The following ANKRD27 variants were observed in gnomAD, a reference collection of about 807,000 sequenced individuals.
ANKRD27 encodes ankyrin repeat domain-containing protein 27.
ANKRD27 carries 112 observed loss-of-function variants against 129.7 expected under a neutral mutation model. The ratio of observed to expected loss-of-function variants is 0.86; its 90% CI spans 0.74 to 1.01. The LOEUF is 1.01. Among genes scored for constraint, ANKRD27 ranks in the 50% least tolerant of loss-of-function variants. The probability of loss-of-function intolerance (pLI) is 0.00; values close to 1 mark genes in which losing one functional copy is unlikely to be tolerated. For synonymous variants in ANKRD27, 516 were observed against 511.2 expected, an observed-to-expected ratio of 1.01 and a Z score of -0.13; for missense variants, 1,258 against 1,300.5, an observed-to-expected ratio of 0.97 and a Z score of 0.50.
In ANKRD27 at chr19:32,644,383, ATGTTCC is replaced by A; in HGVS notation, c.461_466del (p.Arg154_Asn155del). 1 of 1,614,056 alleles carries A rather than the reference ATGTTCC, an allele frequency of 6.2e-7. No individual in the cohort carries two copies. Among genetic ancestry groups the A allele is most frequent in the East Asian group, 2.2e-5 (1 of 44,878 alleles). On this transcript the variant is annotated inframe_deletion, in exon 5 of 29. Coordinates refer to ENST00000306065, the MANE Select transcript of ANKRD27 (RefSeq NM_032139.3). The stretch of plus-strand genomic sequence containing the variant: ...TCGGAATGTTCGATGGAAAGAGGCG[ATGTTCC>A]TGTCAAATCGCTCGGAGTGTCTTCC...
intron 7 of ANKRD27, 39 bp from the exon 8 acceptor site, chr19:32,643,391 C>A (rs765750446): frequency 6.2e-7 from 1 of 1,613,852 alleles, no homozygotes; most frequent in African/African-American, 1.3e-5. Context: ...TGTGAGCGGG[C>A]AACAGGGTGT....
At chr19:32,599,459 C>T (rs939157931) in intron 28 of ANKRD27, among the ~76,000 whole-genome samples, 13 of 152,196 alleles carry the variant, frequency 8.5e-5, no homozygotes, top group Non-Finnish European at 4.4e-5. Context: ...GCACCAAGAC[C>T]TGTGGTTTCC....
rs777728491 is a variant in ANKRD27 at position 32,607,721 on chromosome 19, G to T, written c.2287C>A (p.Leu763Met). Residue 763 changes from leucine to methionine, a missense_variant, in exon 23 of 29, where the codon CTG becomes ATG. Transcript: ENST00000306065. ...CCTGCGTTGGCCCCGTGCTTCAGCA[G>T]GAGGGGGATGAGGTCCGCCCGGCCG... ...LHGRADLIPL[L>M]LKHGANAGAR... The T allele has an allele frequency of 1.2e-6, 2 of 1,613,194 alleles. No homozygotes were observed. The highest frequency in any genetic ancestry group is 1.7e-5 in the Admixed American group (1 of 59,906).
At chr19:32,659,182 A>G in intron 1 of ANKRD27, 137 bp from the exon 2 acceptor site, 1 of 541,870 alleles carries the variant, frequency 1.8e-6, no homozygotes. Flanking sequence ...TCTGTCGCCC[A>G]GGCTGGAGCG....
intron 1 of ANKRD27, among the ~76,000 whole-genome samples, 157 bp downstream of exon 1, chr19:32,674,914 G>A (rs1009804395): frequency 4.0e-5 from 6 of 151,820 alleles, no homozygotes; most frequent in South Asian, 2.1e-4. Context: ...GGGGGCTGGG[G>A]CGGCGCGGGG....
At chr19:32,668,786 C>CGTT (rs2145328801) in intron 1 of ANKRD27, among the ~76,000 whole-genome samples, 1 of 152,078 alleles carries the variant, frequency 6.6e-6, no homozygotes, top group African/African-American at 2.4e-5. Context: ...GGTCTCGCTA[C>CGTT]ATTGCCCAAG....
At chr19:32,603,186 T>C (rs1256148825) in intron 25 of ANKRD27, among the ~76,000 whole-genome samples, 1 of 151,952 alleles carries the variant, frequency 6.6e-6, no homozygotes, top group East Asian at 1.9e-4. Context: ...TAATCCCAGC[T>C]ACTCAGGAGG....
intron 3 of ANKRD27, among the ~76,000 whole-genome samples, chr19:32,649,254 T>G (rs1967364058): frequency 6.6e-6 from 1 of 152,158 alleles, no homozygotes; most frequent in Non-Finnish European, 1.5e-5. Context: ...ATTATAGGCG[T>G]AGGCCACCAT....
At chr19:32,615,417 T>C (rs1971900635) in intron 22 of ANKRD27, among the ~76,000 whole-genome samples, 1 of 152,050 alleles carries the variant, frequency 6.6e-6, no homozygotes, top group African/African-American at 2.4e-5. Flanking sequence ...AGGCTGAGTC[T>C]CTACAAAAAG....
At position 32,654,630 on chromosome 19, in the gene ANKRD27, T is replaced by C. The variant is rs1967484581; in HGVS notation, c.102+4284A>G. Among the ~76,000 whole-genome samples, 3 of 151,650 alleles carry C rather than the reference T, an allele frequency of 2.0e-5. No homozygotes were observed. In the South Asian group the frequency reaches 6.2e-4, roughly 31 times the overall value. On this transcript the variant is annotated intron_variant, in intron 2 of 28. Coordinates refer to ENST00000306065, the MANE Select transcript of ANKRD27 (RefSeq NM_032139.3). ...GACAGCAGCTCCTGCACTCTGCTGA[T>C]TTCTGCTGAGATGCTGGCCTCCCTG...
intron 13 of ANKRD27, among the ~76,000 whole-genome samples, chr19:32,630,488 G>T (rs191929354): frequency 6.6e-6 from 1 of 152,210 alleles, no homozygotes; most frequent in African/African-American, 2.4e-5. Flanking sequence ...CGAGCCCAGC[G>T]GAGGCATCAG....
intron 12 of ANKRD27, among the ~76,000 whole-genome samples, chr19:32,637,095 A>G (rs1967105131): frequency 6.6e-6 from 1 of 152,196 alleles, no homozygotes; most frequent in Admixed American, 6.6e-5. Context: ...TGGGTAGGAA[A>G]AAGACTGAAA....
chr19:32,648,225 T>C (rs1040051112), intron 3 of ANKRD27, among the ~76,000 whole-genome samples: 1 of 151,588 alleles, frequency 6.6e-6, no homozygotes, highest in Non-Finnish European at 1.5e-5. Context: ...GAGATCAAGC[T>C]ACTGCACTCC....
At position 32,625,924 on chromosome 19, in the gene ANKRD27, TGTC is replaced by T; in HGVS notation, c.1576_1578del (p.Asp526del). The T allele has an allele frequency of 6.2e-7, 1 of 1,611,188 alleles. No homozygotes were observed. Among genetic ancestry groups the T allele is most frequent in the Admixed American group, 1.7e-5 (1 of 59,500 alleles). On this transcript the variant is annotated inframe_deletion, in exon 17 of 29. Transcript: ENST00000306065. ...AGGTGGAGTGGCGTATTCCCATTGTTGTCCTGCACTTCCGCGCTGGCCTTGTAG... is the reference window on the plus strand; with the variant it reads ...AGGTGGAGTGGCGTATTCCCATTGTTCTGCACTTCCGCGCTGGCCTTGTAG...
chr19:32,616,339 G>A (rs182017211), intron 21 of ANKRD27, among the ~76,000 whole-genome samples: 2,019 of 152,234 alleles, frequency 0.013, 47 homozygotes, highest in African/African-American at 0.046. Context: ...GATCACCTGA[G>A]GTCAGGAGTT....
At chr19:32,610,029 A>T (rs1723192230) in intron 22 of ANKRD27, among the ~76,000 whole-genome samples, 1 of 151,928 alleles carries the variant, frequency 6.6e-6, no homozygotes, top group African/African-American at 2.4e-5. Flanking sequence ...TAAAAAAAAT[A>T]GGCCAGCAAG....
At chr19:32,650,609 A>C (rs1967394796) in intron 2 of ANKRD27, among the ~76,000 whole-genome samples, 1 of 148,684 alleles carries the variant, frequency 6.7e-6, no homozygotes, top group Non-Finnish European at 1.5e-5. Context: ...CAGGAGGCAG[A>C]GGTTGCAGTG....
intron 4 of ANKRD27, 110 bp downstream of exon 4, chr19:32,646,349 G>C (rs182007624): frequency 2.7e-6 from 3 of 1,121,668 alleles, no homozygotes; most frequent in African/African-American, 3.1e-5. Flanking sequence ...GATTACAGGC[G>C]CGAGCCACCA....
At chr19:32,644,768 G>A (rs1370098659) in intron 4 of ANKRD27, among the ~76,000 whole-genome samples, 1 of 152,200 alleles carries the variant, frequency 6.6e-6, no homozygotes, top group African/African-American at 2.4e-5. Flanking sequence ...ATTTTCTGGG[G>A]CAAATGAAGA....
Sources: allele counts gnomAD v4.1 joint callset (sites outside exome capture counted in the v4.1 genomes callset), GRCh38; gene constraint gnomAD v4.1.1; transcripts MANE v1.5; gene names NCBI Gene and HGNC (gene_info 2026-07-23, HGNC 2026-07-21).